AP3D1: variants seen among roughly 807,000 people sequenced by gnomAD.
The protein encoded by AP3D1 is AP-3 complex subunit delta-1.
AP3D1 carries 51 observed loss-of-function variants against 147.6 expected under a neutral mutation model. That is an observed-to-expected ratio of 0.35 (90% CI 0.28 to 0.44). The LOEUF (loss-of-function observed/expected upper bound fraction) is 0.44, where lower values mean the gene tolerates loss of function less well. Ranked by LOEUF, AP3D1 falls within the 20% of genes least tolerant of loss-of-function variation. The pLI, the probability that AP3D1 is intolerant of heterozygous loss-of-function variation, is 1.00. For missense variants in AP3D1, 1,421 were observed against 1,624.2 expected, an observed-to-expected ratio of 0.87 and a Z score of 2.15; for synonymous variants, 760 against 663.0, an observed-to-expected ratio of 1.15 and a Z score of -2.25.
At chr19:2,132,713 G>C in intron 4 of AP3D1, 135 bp from the exon 5 acceptor site, 1 of 654,770 alleles carries the variant, frequency 1.5e-6, no homozygotes, top group Admixed American at 2.6e-5. Context: ...GGGTGCAGCT[G>C]TGCCTTAGCA....
Position 2,118,960 on chromosome 19 carries a change from G to A in AP3D1, c.1482-128C>T, listed in dbSNP as rs1010192101. ...TCTGGGCCCTTCCCATTCCCTGAGC[G>A]GTCTCCAGGGGCTGAGACACGAAGT... On this transcript the variant is annotated intron_variant, in intron 14 of 31. Transcript: ENST00000643116. 99 of 810,730 alleles carry A rather than the reference G, an allele frequency of 1.2e-4. 1 individual carries two copies. The highest frequency in any genetic ancestry group is 2.7e-4 in the South Asian group (15 of 55,518). 50.2% of individuals were successfully genotyped at this position (810,730 alleles called of 1,614,324 possible). A position where few individuals can be genotyped will look rare whatever the true frequency, so the allele number is the denominator to read the frequency against.
intron 27 of AP3D1, 127 bp from the exon 28 acceptor site, chr19:2,110,351 G>T: frequency 2.5e-6 from 2 of 799,210 alleles, no homozygotes; most frequent in East Asian, 5.3e-5. Context: ...GCCCCCAAGG[G>T]AGCACCAGGG....
intron 9 of AP3D1, among the ~76,000 whole-genome samples, chr19:2,125,078 C>T (rs1263478981): frequency 2.6e-5 from 4 of 152,120 alleles, no homozygotes; most frequent in Admixed American, 6.5e-5. Flanking sequence ...CAGAAATCAC[C>T]GCTAAAGAAC....
At position 2,110,702 on chromosome 19, in the gene AP3D1, C is replaced by A; in HGVS notation, c.3175+5G>T. On this transcript the variant is annotated splice_donor_5th_base_variant and intron_variant, in intron 27 of 31. Transcript: ENST00000643116. ...AGGAGAGGCCGTGAGTGGGGCAGGG[C>A]TCACCTGGGGGCAGCTGGAAAGGCA... 6.3e-7 allele frequency: 1 copy of A among 1,590,284 alleles called. No individual in the cohort carries two copies. The highest frequency in any genetic ancestry group is 8.6e-7 in the Non-Finnish European group (1 of 1,169,512).
chr19:2,123,860 G>A lies in AP3D1; in HGVS notation c.876C>T (p.Ser292=), dbSNP rs762535783. The A allele has an allele frequency of 3.0e-5, 48 of 1,577,978 alleles. No homozygotes were observed. The highest frequency in any genetic ancestry group is 1.4e-4 in the Admixed American group (8 of 55,214). The change falls in exon 10 of 32, where the codon TCC becomes TCT. Residue 292 remains serine (S), a synonymous_variant. Coordinates refer to ENST00000643116, the MANE Select transcript of AP3D1 (RefSeq NM_001261826.3). ...TVIAVLISLS[S]GMPNHSASIQ... ...TGCTGGCGCTGTGGTTGGGCATGCC[G>A]GAGGACAGCGAGATGAGCACTGCAA...
intron 11 of AP3D1, among the ~76,000 whole-genome samples, 190 bp downstream of exon 11, chr19:2,123,168 G>A (rs1021011445): frequency 1.3e-5 from 2 of 152,152 alleles, no homozygotes; most frequent in East Asian, 1.9e-4. Flanking sequence ...GCCACCCCAC[G>A]CAGATAGGTC....
intron 18 of AP3D1, 61 bp from the exon 19 acceptor site, chr19:2,115,674 G>A: frequency 6.5e-7 from 1 of 1,542,002 alleles, no homozygotes; most frequent in Non-Finnish European, 8.9e-7. Flanking sequence ...TGCAAGACAA[G>A]CCTCGGGGAT....
chr19:2,106,349 C>T (rs2144995496), intron 31 of AP3D1, among the ~76,000 whole-genome samples: 1 of 152,212 alleles, frequency 6.6e-6, no homozygotes, highest in Middle Eastern at 3.4e-3. Flanking sequence ...AGGAGTTCCA[C>T]ATCAGTCTGG....
Position 2,132,585 on chromosome 19 carries a change from AG to A in AP3D1, c.355-8del. The A allele has an allele frequency of 6.3e-7, 1 of 1,595,590 alleles. No homozygotes were observed. Among genetic ancestry groups the A allele is most frequent in the Non-Finnish European group, 8.6e-7 (1 of 1,164,846 alleles). ...GGCTGGGGCTGCTCAAGTCCTGGAA[AG>A]TGAGAGAAAGGGGCCGTGGCCAGGA... On this transcript the variant is annotated splice_polypyrimidine_tract_variant and splice_region_variant and intron_variant, in intron 4 of 31. Transcript: ENST00000643116.
intron 11 of AP3D1, among the ~76,000 whole-genome samples, 179 bp downstream of exon 11, chr19:2,123,179 G>A (rs114817227): frequency 1.7e-4 from 26 of 152,310 alleles, no homozygotes; most frequent in Middle Eastern, 3.4e-3. Context: ...CAGATAGGTC[G>A]GGGTGCAAGG....
In AP3D1 at chr19:2,134,763, G is replaced by A. The variant is rs1014642583; in HGVS notation, c.355-2185C>T. Reference sequence around the variant, plus strand: ...ATTATAGGCACGCACCACCACGCCCGGCTAATTTTGTATTTTTAGTACAGA... The same window carrying A: ...ATTATAGGCACGCACCACCACGCCCAGCTAATTTTGTATTTTTAGTACAGA... On this transcript the variant is annotated intron_variant, in intron 4 of 31. Coordinates refer to ENST00000643116, the MANE Select transcript of AP3D1 (RefSeq NM_001261826.3). Among the ~76,000 whole-genome samples the A allele has an allele frequency of 7.3e-5, 11 of 150,732 alleles. 1 individual carries two copies. The highest frequency in any genetic ancestry group is 3.3e-4 in the Admixed American group (5 of 15,088).
At chr19:2,115,678 CG>C (rs913065606) in intron 18 of AP3D1, 65 bp from the exon 19 acceptor site, 243 of 1,534,332 alleles carry the variant, frequency 1.6e-4, no homozygotes, top group Non-Finnish European at 2.0e-4. Context: ...AGACAAGCCT[CG>C]GGGATGCAGG....
intron 1 of AP3D1, among the ~76,000 whole-genome samples, chr19:2,149,309 G>A (rs558727448): frequency 6.6e-6 from 1 of 152,292 alleles, no homozygotes; most frequent in South Asian, 2.1e-4. Context: ...ACTCTGGGAG[G>A]CTAAGGCGGG....
intron 4 of AP3D1, 83 bp from the exon 5 acceptor site, chr19:2,132,661 G>C: frequency 8.3e-7 from 1 of 1,208,426 alleles, no homozygotes; most frequent in South Asian, 1.3e-5. Context: ...CAGCAGGAGC[G>C]AAATTCTCCC....
At chr19:2,164,407 C>T (rs557133053) in exon 1 of AP3D1, 163 of 498,340 alleles carry the variant, frequency 3.3e-4, no homozygotes, top group African/African-American at 3.2e-3. Context: ...CTGCTCCACC[C>T]CCGTTGCTTC....
At chr19:2,147,672 G>C (rs1392965173) in intron 1 of AP3D1, among the ~76,000 whole-genome samples, 2 of 151,920 alleles carry the variant, frequency 1.3e-5, no homozygotes, top group African/African-American at 4.8e-5. Flanking sequence ...AAGGTGGGCA[G>C]ATCACGAGGT....
chr19:2,161,884 G>C (rs1242055265), intron 1 of AP3D1, among the ~76,000 whole-genome samples: 1 of 151,934 alleles, frequency 6.6e-6, no homozygotes, highest in Non-Finnish European at 1.5e-5. Context: ...AGGAGGCGCT[G>C]GTTGTAGTGA....
At chr19:2,114,710 G>A (rs1363823334) in intron 21 of AP3D1, 38 bp downstream of exon 21, 2 of 1,521,070 alleles carry the variant, frequency 1.3e-6, no homozygotes, top group Admixed American at 1.7e-5. Context: ...GCAACCACAT[G>A]TGGCCTCCAC....
At chr19:2,113,218 G>A (rs1801068782) in intron 23 of AP3D1, 118 bp downstream of exon 23, 1 of 659,928 alleles carries the variant, frequency 1.5e-6, no homozygotes, top group East Asian at 2.8e-5. Flanking sequence ...GGTCCCACAG[G>A]TGCACGGTGC....
Sources: allele counts gnomAD v4.1 joint callset (sites outside exome capture counted in the v4.1 genomes callset), GRCh38; gene constraint gnomAD v4.1.1; transcripts MANE v1.5; gene names NCBI Gene and HGNC (gene_info 2026-07-23, HGNC 2026-07-21).